Variants in PLCL1 observed in about 807,000 individuals in gnomAD.
PLCL1 encodes phospholipase C like 1 (inactive).
PLCL1 carries 41 observed loss-of-function variants against 84.4 expected under a neutral mutation model. The observed-to-expected ratio is 0.49, with a 90% CI of 0.38 to 0.63. The LOEUF (loss-of-function observed/expected upper bound fraction) is 0.63. Among genes scored for constraint, PLCL1 ranks in the 30% least tolerant of loss-of-function variants. The pLI, the probability that PLCL1 is intolerant of heterozygous loss-of-function variation, is 0.00. For missense variants in PLCL1, 1,206 were observed against 1,367.8 expected, an observed-to-expected ratio of 0.88 and a Z score of 1.87; for synonymous variants, 490 against 488.3, an observed-to-expected ratio of 1.00 and a Z score of -0.05.
Position 197,994,572 on chromosome 2 carries a change from C to T in PLCL1, c.241-89186C>T, listed in dbSNP as rs551250579. 2.6e-5 allele frequency among the ~76,000 whole-genome samples: 4 copies of T among 152,286 alleles called. No homozygotes were observed. The East Asian group carries it at 5.8e-4, about 22-fold the overall frequency. ...TAGAAACACAGGCCAAATAGGATAA[C>T]TCATGAATTCCATGAAATTTATCCA... On this transcript the variant is annotated intron_variant, in intron 1 of 5. Transcript: ENST00000428675.
intron 1 of PLCL1, among the ~76,000 whole-genome samples, chr2:197,969,312 A>G (rs1689812027): frequency 1.3e-5 from 2 of 152,294 alleles, no homozygotes; most frequent in Non-Finnish European, 1.5e-5. Flanking sequence ...TACATTTTTT[A>G]TAGGGTGTGC....
intron 1 of PLCL1, among the ~76,000 whole-genome samples, chr2:197,806,155 C>T (rs1468799464): frequency 6.6e-6 from 1 of 152,198 alleles, no homozygotes; most frequent in Non-Finnish European, 1.5e-5. Context: ...AACCCTCGCA[C>T]AGGCTCTGGA....
intron 1 of PLCL1, among the ~76,000 whole-genome samples, chr2:197,826,532 T>C (rs184358151): frequency 6.6e-6 from 1 of 152,298 alleles, no homozygotes; most frequent in Admixed American, 6.5e-5. Flanking sequence ...GCCATTGAAA[T>C]TTAACTCTAC....
intron 1 of PLCL1, among the ~76,000 whole-genome samples, chr2:197,939,106 G>A (rs2105772440): frequency 6.6e-6 from 1 of 152,212 alleles, no homozygotes; most frequent in East Asian, 1.9e-4. Context: ...GTTCTTAACT[G>A]GGATGAAGCA....
At chr2:197,934,271 T>C (rs1378560267) in intron 1 of PLCL1, among the ~76,000 whole-genome samples, 1 of 152,196 alleles carries the variant, frequency 6.6e-6, no homozygotes, top group East Asian at 1.9e-4. Context: ...TCAGCTCTTT[T>C]AAAAGTAGTG....
At chr2:197,959,443 A>T (rs1032425236) in intron 1 of PLCL1, among the ~76,000 whole-genome samples, 1 of 152,006 alleles carries the variant, frequency 6.6e-6, no homozygotes, top group African/African-American at 2.4e-5. Context: ...TGTGAATCCC[A>T]TCCAAAAAAT....
chr2:198,039,582 T>C (rs1691613986), intron 1 of PLCL1, among the ~76,000 whole-genome samples: 1 of 152,326 alleles, frequency 6.6e-6, no homozygotes, highest in South Asian at 2.1e-4. Context: ...GTTGAACACT[T>C]CTTGAGCCTC....
chr2:197,891,637 G>A (rs1034020836), intron 1 of PLCL1, among the ~76,000 whole-genome samples: 4 of 150,662 alleles, frequency 2.7e-5, no homozygotes, highest in Admixed American at 2.0e-4. Context: ...TTAGAACTGT[G>A]TTTGAGATAA....
At chr2:197,850,994 C>G (rs2105681958) in intron 1 of PLCL1, among the ~76,000 whole-genome samples, 1 of 152,318 alleles carries the variant, frequency 6.6e-6, no homozygotes, top group South Asian at 2.1e-4. Context: ...CCTAAGGAAG[C>G]CTACCTGTTT....
chr2:198,013,420 A>T (rs1690916477), intron 1 of PLCL1, among the ~76,000 whole-genome samples: 1 of 152,044 alleles, frequency 6.6e-6, no homozygotes, highest in Non-Finnish European at 1.5e-5. Flanking sequence ...CTTTTCCCTT[A>T]AGCCTTTTTG....
At chr2:197,995,263 A>C (rs1235309979) in intron 1 of PLCL1, among the ~76,000 whole-genome samples, 1 of 152,152 alleles carries the variant, frequency 6.6e-6, no homozygotes, top group Non-Finnish European at 1.5e-5. Context: ...TTGGAGAACC[A>C]GACTGTTCAT....
chr2:198,060,242 A>G (rs951928131), intron 1 of PLCL1, among the ~76,000 whole-genome samples: 1 of 152,216 alleles, frequency 6.6e-6, no homozygotes, highest in Non-Finnish European at 1.5e-5. Context: ...ACCGCTGAAA[A>G]GTGTACTAAC....
At chr2:197,969,981 C>T (rs1225376792) in intron 1 of PLCL1, among the ~76,000 whole-genome samples, 1 of 152,196 alleles carries the variant, frequency 6.6e-6, no homozygotes, top group Non-Finnish European at 1.5e-5. Context: ...CATAACCTGA[C>T]TTATTCTGAC....
chr2:198,148,590 A>T lies in PLCL1; in HGVS notation c.*1628A>T, dbSNP rs1176393971. ...GTCATTTGAAGGCAAGTTTCCAATG[A>T]TGCTACAATGGCCTGAAAAAATTTC... On this transcript the variant is annotated 3_prime_UTR_variant, in exon 6 of 6. Coordinates refer to ENST00000428675, the MANE Select transcript of PLCL1 (RefSeq NM_006226.4). The T allele has an allele frequency of 6.6e-6, 1 of 152,336 alleles. No homozygotes were observed. The highest frequency in any genetic ancestry group is 1.5e-5 in the Non-Finnish European group (1 of 68,036). The allele number at this position is 152,336 out of a possible 1,614,324, so 9.4% of individuals were successfully genotyped here. A position where few individuals can be genotyped will look rare whatever the true frequency, so the allele number is the denominator to read the frequency against.
rs550603685 is a variant in PLCL1 at position 197,878,684 on chromosome 2, T to C, written c.240+73345T>C. 6.8e-4 allele frequency among the ~76,000 whole-genome samples: 104 copies of C among 152,216 alleles called. No individual in the cohort carries two copies. The Middle Eastern group carries it at 0.01, about 15-fold the overall frequency. ...ACAAAGTTCATTGAACAAAGTATAA[T>C]AGAAAAGTAGTGTCTACCTTAGGAT... On this transcript the variant is annotated intron_variant, in intron 1 of 5. Transcript: ENST00000428675.
chr2:198,036,666 C>A (rs1208150158), intron 1 of PLCL1, among the ~76,000 whole-genome samples: 1 of 151,994 alleles, frequency 6.6e-6, no homozygotes, highest in Non-Finnish European at 1.5e-5. Flanking sequence ...TGGTTTTTTC[C>A]TCCATGGTTC....
intron 1 of PLCL1, among the ~76,000 whole-genome samples, chr2:198,007,344 G>A (rs1327737245): frequency 6.6e-6 from 1 of 151,768 alleles, no homozygotes; most frequent in African/African-American, 2.4e-5. Flanking sequence ...CCCCCCTCTT[G>A]TTTGTTTTTA....
chr2:197,942,024 T>G (rs910042895), intron 1 of PLCL1, among the ~76,000 whole-genome samples: 1 of 152,206 alleles, frequency 6.6e-6, no homozygotes, highest in African/African-American at 2.4e-5. Flanking sequence ...CCTTCACTCT[T>G]TTCTCTCATT....
intron 1 of PLCL1, among the ~76,000 whole-genome samples, chr2:197,844,064 A>G (rs1212045525): frequency 1.3e-5 from 2 of 152,190 alleles, no homozygotes; most frequent in Non-Finnish European, 2.9e-5. Flanking sequence ...TCTGTAAAGT[A>G]ACTTTTCATT....
Sources: allele counts gnomAD v4.1 joint callset (sites outside exome capture counted in the v4.1 genomes callset), GRCh38; gene constraint gnomAD v4.1.1; transcripts MANE v1.5; gene names NCBI Gene and HGNC (gene_info 2026-07-23, HGNC 2026-07-21).